Variants in DYNC2H1 observed in about 807,000 individuals in gnomAD.
DYNC2H1 encodes the protein cytoplasmic dynein 2 heavy chain 1.
DYNC2H1 carries 410 observed loss-of-function variants against 570.0 expected under a neutral mutation model. The ratio of observed to expected loss-of-function variants is 0.72; its 90% CI spans 0.66 to 0.78. The LOEUF (loss-of-function observed/expected upper bound fraction) is 0.78. DYNC2H1 is among the 30% of genes least tolerant of loss of function. DYNC2H1 has a pLI of 0.00. For synonymous variants in DYNC2H1, 1,688 were observed against 1,677.6 expected (o/e 1.01, Z -0.15); for missense variants, 4,865 against 5,046.4 (o/e 0.96, Z 1.09).
chr11:103,200,170 C>T lies in DYNC2H1; in HGVS notation c.8197+16C>T. 6.9e-7 allele frequency: 1 copy of T among 1,456,952 alleles called. No individual in the cohort carries two copies. The highest frequency in any genetic ancestry group is 9.3e-7 in the Non-Finnish European group (1 of 1,079,402). The allele number at this position is 1,456,952 out of a possible 1,614,324, so 90.3% of individuals were successfully genotyped here. ...TTGTCTTCAGGCAAGTGAACAGTTT[C>T]TTTTCGAAGAAAATAAAAATAATGG... On this transcript the variant is annotated intron_variant, in intron 50 of 88. Transcript: ENST00000375735.
intron 83 of DYNC2H1, among the ~76,000 whole-genome samples, chr11:103,377,978 C>G (rs956130248): frequency 6.6e-6 from 1 of 152,192 alleles, no homozygotes; most frequent in Admixed American, 6.5e-5. Flanking sequence ...TCATGTGATT[C>G]CTCCAGCCTT....
At chr11:103,448,664 T>C (rs548288703) in intron 85 of DYNC2H1, among the ~76,000 whole-genome samples, 4 of 152,304 alleles carry the variant, frequency 2.6e-5, no homozygotes, top group Admixed American at 2.6e-4. Flanking sequence ...AATCTGGAGA[T>C]AAGAAATGCC....
intron 17 of DYNC2H1, among the ~76,000 whole-genome samples, chr11:103,141,025 C>T (rs1020169087): frequency 5.3e-5 from 8 of 152,144 alleles, no homozygotes; most frequent in East Asian, 1.9e-4. Context: ...GCATTCTTCA[C>T]GTAGTTCTCG....
At chr11:103,397,714 G>A (rs1942456294) in intron 83 of DYNC2H1, among the ~76,000 whole-genome samples, 1 of 152,052 alleles carries the variant, frequency 6.6e-6, no homozygotes, top group Admixed American at 6.5e-5. Context: ...GGGCAACATG[G>A]CAAATACCTG....
At chr11:103,376,795 G>C (rs552804862) in intron 83 of DYNC2H1, among the ~76,000 whole-genome samples, 26 of 152,252 alleles carry the variant, frequency 1.7e-4, no homozygotes, top group Non-Finnish European at 3.7e-4. Flanking sequence ...ACTTTCATGT[G>C]CTTTTATCAT....
rs774357392 is a variant in DYNC2H1 at position 103,158,647 on chromosome 11, G to T, written c.4128-30G>T. On this transcript the variant is annotated intron_variant, in intron 26 of 88. Transcript: ENST00000375735. The stretch of plus-strand genomic sequence containing the variant: ...CTTACCCCCCCAAATTGTTAAAGTA[G>T]ATGTGAAGATACTTTTTTTTCTTTT... 3.3e-6 allele frequency: 5 copies of T among 1,498,878 alleles called. No homozygotes were observed. The East Asian group carries it at 1.2e-4, about 36-fold the overall frequency. The allele number at this position is 1,498,878 out of a possible 1,614,324, so 92.8% of individuals were successfully genotyped here. A position where few individuals can be genotyped will look rare whatever the true frequency, so the allele number is the denominator to read the frequency against.
In DYNC2H1 at chr11:103,209,613, A is replaced by G. The variant is rs1050031631; in HGVS notation, c.8455-263A>G. On this transcript the variant is annotated intron_variant, in intron 52 of 88. Coordinates refer to ENST00000375735, the MANE Select transcript of DYNC2H1 (RefSeq NM_001377.3). The surrounding 1 kb of genome is among the most constrained non-coding windows in gnomAD (Gnocchi z 4.2). ...TATTTTCTAATTCAATCCAAATTGT[A>G]ATTTCCTTTACTTCATATAGTCTCA... 2.0e-5 allele frequency among the ~76,000 whole-genome samples: 3 copies of G among 152,136 alleles called. No individual in the cohort carries two copies. The highest frequency in any genetic ancestry group is 4.4e-5 in the Non-Finnish European group (3 of 67,900).
intron 65 of DYNC2H1, among the ~76,000 whole-genome samples, chr11:103,247,012 T>C (rs1039573412): frequency 6.6e-6 from 1 of 151,602 alleles, no homozygotes; most frequent in Admixed American, 6.6e-5. Flanking sequence ...TTTTTTTTTT[T>C]ACTTTGTTTC....
Position 103,303,183 on chromosome 11 carries a change from C to T in DYNC2H1, c.11186C>T (p.Pro3729Leu), listed in dbSNP as rs775971666. 12 of 1,612,430 alleles carry T rather than the reference C, an allele frequency of 7.4e-6. No individual in the cohort carries two copies. The highest frequency in any genetic ancestry group is 9.3e-6 in the Non-Finnish European group (11 of 1,179,012). Residue 3729 changes from proline to leucine, a missense_variant, in exon 76 of 89, where the codon CCG (proline) becomes CTG (leucine). By Grantham distance (98) the Pro-to-Leu change is moderately conservative. Transcript: ENST00000375735. ...EIEPILIIIS[P>L]GADPSQELQE... Reference sequence around the variant, plus strand: ...GAACCCATCTTGATAATTATTTCTCCGGGTGCTGATCCTTCTCAGGAACTT... The same window carrying T: ...GAACCCATCTTGATAATTATTTCTCTGGGTGCTGATCCTTCTCAGGAACTT...
At chr11:103,128,378 G>A (rs1039116078) in intron 12 of DYNC2H1, among the ~76,000 whole-genome samples, 1 of 152,226 alleles carries the variant, frequency 6.6e-6, no homozygotes, top group African/African-American at 2.4e-5. Context: ...AGAGAGGAGA[G>A]TGTATGGATT....
At chr11:103,347,476 C>A (rs752815793) in intron 82 of DYNC2H1, among the ~76,000 whole-genome samples, 1 of 151,392 alleles carries the variant, frequency 6.6e-6, no homozygotes, top group African/African-American at 2.4e-5. Context: ...AATTAAATAA[C>A]ACGTGGTCTG....
At chr11:103,161,231 G>A (rs1483330650) in intron 29 of DYNC2H1, among the ~76,000 whole-genome samples, 187 bp downstream of exon 29, 2 of 152,044 alleles carry the variant, frequency 1.3e-5, no homozygotes, top group Non-Finnish European at 2.9e-5. Context: ...AAAGAATATG[G>A]ATTTGTAGTC....
At chr11:103,273,143 C>T (rs1010107152) in intron 70 of DYNC2H1, among the ~76,000 whole-genome samples, 4 of 150,678 alleles carry the variant, frequency 2.7e-5, no homozygotes, top group African/African-American at 9.7e-5. Context: ...CTCCCCTCCC[C>T]TTTTCTTTTC....
rs1940744909 is a variant in DYNC2H1 at position 103,363,191 on chromosome 11, T to C, written c.12156+4832T>C. 6.6e-6 allele frequency among the ~76,000 whole-genome samples: 1 copy of C among 152,192 alleles called. No individual in the cohort carries two copies. The highest frequency in any genetic ancestry group is 1.5e-5 in the Non-Finnish European group (1 of 68,032). ...AAGAAACTTTTCCAACCTGTTTTTCTTAACACATCAGAGGTAAATGTGCAA... is the reference window on the plus strand; with the variant it reads ...AAGAAACTTTTCCAACCTGTTTTTCCTAACACATCAGAGGTAAATGTGCAA... On this transcript the variant is annotated intron_variant, in intron 83 of 88. Coordinates refer to ENST00000375735, the MANE Select transcript of DYNC2H1 (RefSeq NM_001377.3). This position sits in a 1 kb window ranked among gnomAD's most constrained non-coding sequence, Gnocchi z 5.6.
At position 103,154,714 on chromosome 11, in the gene DYNC2H1, G is replaced by T; in HGVS notation, c.3478G>T (p.Glu1160Ter). The T allele has an allele frequency of 6.4e-7, 1 of 1,568,646 alleles. No homozygotes were observed. Among genetic ancestry groups the T allele is most frequent in the Non-Finnish European group, 8.6e-7 (1 of 1,157,012 alleles). The change falls in exon 24 of 89, where the codon GAG becomes TAG. Residue 1160 changes from glutamate to a stop codon, truncating the protein, a stop_gained. Transcript: ENST00000375735. LOFTEE classifies it high-confidence loss of function. The stretch of plus-strand genomic sequence containing the variant: ...TTATAGGACTAAGACATACCTGTTT[G>T]AGGAATTTTTGATGAACTGGCATGA... ...ITFRTKTYLF[E>*]EFLMNWHDRL...
chr11:103,331,985 G>A (rs551913596), intron 82 of DYNC2H1, among the ~76,000 whole-genome samples: 2 of 151,988 alleles, frequency 1.3e-5, no homozygotes, highest in African/African-American at 2.4e-5. Context: ...GCTTGAACCC[G>A]GGAGGCGGAG....
At chr11:103,358,418 G>C (rs1467940369) in intron 83 of DYNC2H1, 59 bp downstream of exon 83, 1 of 1,187,638 alleles carries the variant, frequency 8.4e-7, no homozygotes, top group Non-Finnish European at 1.2e-6. Context: ...GTAACCATGT[G>C]CTCCCCATTT....
intron 42 of DYNC2H1, 27 bp from the exon 43 acceptor site, chr11:103,187,313 A>G (rs1565378533): frequency 6.2e-7 from 1 of 1,607,992 alleles, no homozygotes; most frequent in Admixed American, 1.7e-5. Context: ...ATTTTTATCA[A>G]AGTCAGATGT....
chr11:103,439,590 G>A lies in DYNC2H1; in HGVS notation c.12456+3558G>A, dbSNP rs925800347. ...GGAGAGAGTCTTAGTCTACTTTGTG[G>A]CAAAAGGTTTAAGACTCCTCTGAAT... On this transcript the variant is annotated intron_variant, in intron 85 of 88. Coordinates refer to ENST00000375735, the MANE Select transcript of DYNC2H1 (RefSeq NM_001377.3). This position sits in a 1 kb window ranked among gnomAD's most constrained non-coding sequence, Gnocchi z 4.1. Among the ~76,000 whole-genome samples the A allele has an allele frequency of 1.3e-5, 2 of 151,970 alleles. No individual in the cohort carries two copies. The highest frequency in any genetic ancestry group is 2.9e-5 in the Non-Finnish European group (2 of 67,966).
Sources: allele counts gnomAD v4.1 joint callset (sites outside exome capture counted in the v4.1 genomes callset), GRCh38; gene constraint gnomAD v4.1.1; non-coding constraint Gnocchi (gnomAD v3.1); transcripts MANE v1.5; gene names NCBI Gene and HGNC (gene_info 2026-07-23, HGNC 2026-07-21).